Variants in ZFPM2 observed in about 807,000 individuals in gnomAD.
The protein encoded by ZFPM2 is zinc finger protein, FOG family member 2.
A neutral mutation model predicts 98.6 loss-of-function variants in ZFPM2; 20 were observed. That is an observed-to-expected ratio of 0.20 (90% CI 0.14 to 0.29). The LOEUF (loss-of-function observed/expected upper bound fraction) is 0.29. Among genes scored for constraint, ZFPM2 ranks in the 10% least tolerant of loss-of-function variants. The pLI, the probability that ZFPM2 is intolerant of heterozygous loss-of-function variation, is 1.00. For synonymous variants in ZFPM2, 518 were observed against 502.7 expected (o/e 1.03, Z -0.41); for missense variants, 1,310 against 1,388.6 (o/e 0.94, Z 0.90).
intron 3 of ZFPM2, among the ~76,000 whole-genome samples, chr8:105,517,559 T>G (rs1357862422): frequency 6.6e-6 from 1 of 152,018 alleles, no homozygotes; most frequent in Non-Finnish European, 1.5e-5. Context: ...ATACTTAAGA[T>G]CTACTCTTGG....
intron 5 of ZFPM2, among the ~76,000 whole-genome samples, chr8:105,696,225 G>C (rs1468289236): frequency 6.6e-6 from 1 of 152,184 alleles, no homozygotes; most frequent in Non-Finnish European, 1.5e-5. Flanking sequence ...TGGGGTCACT[G>C]TAGGAATAGG....
At chr8:105,500,413 G>C (rs925098244) in intron 3 of ZFPM2, among the ~76,000 whole-genome samples, 3 of 151,968 alleles carry the variant, frequency 2.0e-5, no homozygotes, top group Admixed American at 6.6e-5. Context: ...TAAGTGAATG[G>C]CATTTTTATA....
chr8:105,437,512 G>C (rs115165332), intron 2 of ZFPM2, among the ~76,000 whole-genome samples: 2,441 of 150,386 alleles, frequency 0.016, 60 homozygotes, highest in African/African-American at 0.057. Context: ...TCAGATACGG[G>C]ATGAGAATGA....
intron 3 of ZFPM2, among the ~76,000 whole-genome samples, chr8:105,452,170 C>T (rs1324505077): frequency 6.6e-6 from 1 of 152,068 alleles, no homozygotes; most frequent in African/African-American, 2.4e-5. Flanking sequence ...ATTGGTTGGT[C>T]TATATAAAAT....
intron 1 of ZFPM2, among the ~76,000 whole-genome samples, chr8:105,401,033 A>G (rs2129982646): frequency 6.6e-6 from 1 of 151,952 alleles, no homozygotes; most frequent in African/African-American, 2.4e-5. Context: ...TTTGGGGATT[A>G]TTGGTATCTT....
chr8:105,506,477 C>T (rs749271402), intron 3 of ZFPM2, among the ~76,000 whole-genome samples: 4 of 152,172 alleles, frequency 2.6e-5, no homozygotes, highest in Middle Eastern at 3.4e-3. Context: ...GTATTTGAAA[C>T]TTTTACTTTC....
chr8:105,380,658 T>TA (rs1810839686), intron 1 of ZFPM2, among the ~76,000 whole-genome samples: 1 of 29,146 alleles, frequency 3.4e-5, no homozygotes, highest in East Asian at 6.4e-4. Flanking sequence ...TATATATATA[T>TA]TATATATAAC....
intron 5 of ZFPM2, among the ~76,000 whole-genome samples, chr8:105,715,304 A>G (rs6994419): frequency 0.28 from 42,474 of 151,360 alleles, 6,414 homozygotes; most frequent in African/African-American, 0.36. Context: ...GGAGGCTGAG[A>G]CAGGAGGATC....
intron 5 of ZFPM2, among the ~76,000 whole-genome samples, chr8:105,714,915 C>A (rs980492441): frequency 5.9e-5 from 9 of 152,012 alleles, no homozygotes; most frequent in African/African-American, 1.9e-4. Context: ...AAATAATATT[C>A]CGATATCTGA....
chr8:105,728,009 G>A (rs943531982), intron 5 of ZFPM2, among the ~76,000 whole-genome samples: 2 of 150,786 alleles, frequency 1.3e-5, no homozygotes, highest in African/African-American at 4.9e-5. Context: ...TCAGATTCAC[G>A]GGACAATGTC....
chr8:105,722,574 G>C lies in ZFPM2; in HGVS notation c.533-66144G>C, dbSNP rs181195017. Among the ~76,000 whole-genome samples the C allele has an allele frequency of 5.6e-3, 856 of 151,922 alleles. 4 individuals are homozygous for C. Among genetic ancestry groups the C allele is most frequent in the Non-Finnish European group, 9.3e-3 (630 of 67,880 alleles). The stretch of plus-strand genomic sequence containing the variant: ...ATGTTTATTATACTATATTCTTACA[G>C]TAAGGTAAGCCAAAGAAAAGAAAAT... On this transcript the variant is annotated intron_variant, in intron 5 of 7. Coordinates refer to ENST00000407775, the MANE Select transcript of ZFPM2 (RefSeq NM_012082.4).
intron 3 of ZFPM2, among the ~76,000 whole-genome samples, chr8:105,496,376 C>G (rs569752166): frequency 3.0e-4 from 46 of 152,144 alleles, no homozygotes; most frequent in Admixed American, 9.2e-4. Flanking sequence ...TCAATCTTCC[C>G]TGTCTTTCAA....
chr8:105,410,504 C>T (rs1042252944), intron 1 of ZFPM2, among the ~76,000 whole-genome samples: 7 of 151,822 alleles, frequency 4.6e-5, no homozygotes, highest in African/African-American at 1.2e-4. Context: ...TAAAAGACTC[C>T]GTGCCCCATT....
chr8:105,648,879 A>G (rs1194056156), intron 5 of ZFPM2, among the ~76,000 whole-genome samples: 1 of 152,162 alleles, frequency 6.6e-6, no homozygotes, highest in Non-Finnish European at 1.5e-5. Flanking sequence ...TTGGTTCCAT[A>G]TGAACTTTAA....
At chr8:105,507,087 A>C (rs1468227216) in intron 3 of ZFPM2, among the ~76,000 whole-genome samples, 1 of 152,196 alleles carries the variant, frequency 6.6e-6, no homozygotes, top group East Asian at 1.9e-4. Flanking sequence ...TAGGAGTGTC[A>C]GACCAAGGCC....
intron 3 of ZFPM2, among the ~76,000 whole-genome samples, chr8:105,499,437 G>A (rs1171380628): frequency 6.6e-6 from 1 of 152,126 alleles, no homozygotes; most frequent in East Asian, 1.9e-4. Flanking sequence ...CTTTTCTAAA[G>A]AGGATATTGT....
intron 3 of ZFPM2, among the ~76,000 whole-genome samples, chr8:105,536,206 T>A (rs190682737): frequency 2.6e-5 from 4 of 152,258 alleles, no homozygotes; most frequent in Admixed American, 2.6e-4. Context: ...CGGGTCATAT[T>A]GGGAATATTG....
chr8:105,802,967 T>G lies in ZFPM2; in HGVS notation c.2885T>G (p.Phe962Cys). 2 of 1,612,792 alleles carry G rather than the reference T, an allele frequency of 1.2e-6. No individual in the cohort carries two copies. The highest frequency in any genetic ancestry group is 1.7e-6 in the Non-Finnish European group (2 of 1,179,402). Reference sequence around the variant, plus strand: ...ACAAAAGAAGAAAACAGACATTTGTTTCTTCCACAATGCCTTTACCCTGGA... The same window carrying G: ...ACAAAAGAAGAAAACAGACATTTGTGTCTTCCACAATGCCTTTACCCTGGA... ...IATKEENRHL[F>C]LPQCLYPGAI... Residue 962 changes from phenylalanine to cysteine, a missense_variant, in exon 8 of 8, where the codon TTT (phenylalanine) becomes TGT (cysteine). Transcript: ENST00000407775.
intron 5 of ZFPM2, among the ~76,000 whole-genome samples, chr8:105,765,059 T>C (rs2131079730): frequency 6.6e-6 from 1 of 151,926 alleles, no homozygotes; most frequent in South Asian, 2.1e-4. Context: ...GTGTACAATA[T>C]GTCACTTTAT....
Sources: allele counts gnomAD v4.1 joint callset (sites outside exome capture counted in the v4.1 genomes callset), GRCh38; gene constraint gnomAD v4.1.1; transcripts MANE v1.5; gene names NCBI Gene and HGNC (gene_info 2026-07-23, HGNC 2026-07-21).